DIAPH3: variants seen among roughly 807,000 people sequenced by gnomAD.
The protein encoded by DIAPH3 is protein diaphanous homolog 3.
In DIAPH3, 117 loss-of-function variants were observed where a neutral mutation model predicts 144.3. The ratio of observed to expected loss-of-function variants is 0.81; its 90% confidence interval spans 0.70 to 0.95. DIAPH3 has a LOEUF of 0.95. Ranked by LOEUF, DIAPH3 falls within the 40% of genes least tolerant of loss-of-function variation. The pLI is 0.00. For synonymous variants in DIAPH3, 519 were observed against 488.9 expected (o/e 1.06, Z -0.81); for missense variants, 1,421 against 1,412.7 (o/e 1.01, Z -0.09).
chr13:59,753,355 C>T (rs376388846), intron 27 of DIAPH3, among the ~76,000 whole-genome samples: 36 of 152,214 alleles, frequency 2.4e-4, no homozygotes, highest in African/African-American at 7.5e-4. Context: ...AAACTTCAGA[C>T]AAAATGTAGC....
intron 27 of DIAPH3, among the ~76,000 whole-genome samples, chr13:59,677,468 A>G (rs114870231): frequency 6.6e-6 from 1 of 152,190 alleles, no homozygotes; most frequent in Non-Finnish European, 1.5e-5. Context: ...ATTTAATCCA[A>G]TGTCAAATAT....
chr13:59,714,087 G>A (rs1015388843), intron 27 of DIAPH3, among the ~76,000 whole-genome samples: 1 of 152,094 alleles, frequency 6.6e-6, no homozygotes, highest in Non-Finnish European at 1.5e-5. Context: ...AGGGCCGGGC[G>A]CGGTGGCTCA....
rs1260383934 is a variant in DIAPH3, at chr13:59,829,475, T to G, written c.3027+3632A>C. ...ATGTAATGATAGGCAAGTCAGGATC[T>G]CTCTATACCTGTTTCCTCATCTGAA... On this transcript the variant is annotated intron_variant, in intron 24 of 27. Coordinates refer to ENST00000400324, the MANE Select transcript of DIAPH3 (RefSeq NM_001042517.2). 3.3e-5 allele frequency among the ~76,000 whole-genome samples: 5 copies of G among 151,886 alleles called. No homozygotes were observed. The East Asian group carries it at 9.6e-4, about 29-fold the overall frequency.
chr13:59,964,375 C>T (rs2049936999), intron 17 of DIAPH3, among the ~76,000 whole-genome samples: 1 of 151,958 alleles, frequency 6.6e-6, no homozygotes, highest in African/African-American at 2.4e-5. Context: ...CATACACACA[C>T]CAATACACAT....
chr13:59,729,149 C>A (rs1276154589), intron 27 of DIAPH3, among the ~76,000 whole-genome samples: 2 of 152,068 alleles, frequency 1.3e-5, no homozygotes, highest in Non-Finnish European at 2.9e-5. Flanking sequence ...AAATGTCCAC[C>A]AATGTAATAT....
intron 23 of DIAPH3, among the ~76,000 whole-genome samples, chr13:59,833,854 T>C (rs1440357631): frequency 6.6e-6 from 1 of 151,688 alleles, no homozygotes; most frequent in African/African-American, 2.4e-5. Flanking sequence ...AAAGTGGGCA[T>C]TTAGTAGCAC....
intron 27 of DIAPH3, among the ~76,000 whole-genome samples, chr13:59,705,486 G>A (rs2034368065): frequency 6.6e-6 from 1 of 152,152 alleles, no homozygotes; most frequent in Non-Finnish European, 1.5e-5. Flanking sequence ...GAAGCCCTTT[G>A]GAGTGAGGCC....
At chr13:59,933,254 C>T (rs1490161454) in intron 17 of DIAPH3, among the ~76,000 whole-genome samples, 3 of 152,204 alleles carry the variant, frequency 2.0e-5, no homozygotes, top group African/African-American at 7.2e-5. Context: ...TCCCAGCCTG[C>T]CACATGCTAG....
At chr13:59,939,093 A>G (rs189656919) in intron 17 of DIAPH3, among the ~76,000 whole-genome samples, 8 of 152,304 alleles carry the variant, frequency 5.3e-5, no homozygotes, top group Admixed American at 3.3e-4. Flanking sequence ...TTGCTTTGTC[A>G]AATGAAGAAC....
chr13:60,050,748 T>C (rs1170715013), intron 4 of DIAPH3, among the ~76,000 whole-genome samples: 1 of 152,152 alleles, frequency 6.6e-6, no homozygotes, highest in Non-Finnish European at 1.5e-5. Flanking sequence ...GTTCTGAGCA[T>C]AGAAAGTATA....
chr13:60,112,218 A>G, intron 2 of DIAPH3, 32 bp from the exon 3 acceptor site: 1 of 1,612,138 alleles, frequency 6.2e-7, no homozygotes, highest in Non-Finnish European at 8.5e-7. Flanking sequence ...CACACGTGTA[A>G]GTATTTCCTT....
chr13:60,111,678 T>C (rs2058572362), intron 3 of DIAPH3, among the ~76,000 whole-genome samples: 1 of 152,168 alleles, frequency 6.6e-6, no homozygotes, highest in Non-Finnish European at 1.5e-5. Context: ...CAAACGCTCA[T>C]GGAAAAATTG....
intron 25 of DIAPH3, among the ~76,000 whole-genome samples, chr13:59,786,586 A>G (rs1298772574): frequency 6.6e-6 from 1 of 152,212 alleles, no homozygotes; most frequent in East Asian, 1.9e-4. Context: ...TTTGGAATAT[A>G]AACATATTAA....
intron 25 of DIAPH3, among the ~76,000 whole-genome samples, chr13:59,793,991 C>T (rs1342608673): frequency 6.6e-6 from 1 of 152,168 alleles, no homozygotes; most frequent in East Asian, 1.9e-4. Context: ...CAAAGCAATA[C>T]ACATTCAACA....
At chr13:59,698,819 G>A (rs1429954544) in intron 27 of DIAPH3, among the ~76,000 whole-genome samples, 2 of 152,212 alleles carry the variant, frequency 1.3e-5, no homozygotes, top group Non-Finnish European at 2.9e-5. Flanking sequence ...GCATGGTGCA[G>A]TGGTCCCCAA....
At chr13:60,111,848 A>C (rs977543211) in intron 3 of DIAPH3, among the ~76,000 whole-genome samples, 162 bp downstream of exon 3, 2 of 152,190 alleles carry the variant, frequency 1.3e-5, no homozygotes, top group African/African-American at 4.8e-5. Context: ...CAGATTTCAT[A>C]TTTTTGTAAT....
chr13:59,786,722 C>T (rs77704927), intron 25 of DIAPH3, among the ~76,000 whole-genome samples: 10,300 of 152,176 alleles, frequency 0.068, 479 homozygotes, highest in South Asian at 0.18. Flanking sequence ...GTGTGCACCA[C>T]AGAACACTAG....
At chr13:59,789,383 G>A (rs1056280732) in intron 25 of DIAPH3, among the ~76,000 whole-genome samples, 2 of 152,060 alleles carry the variant, frequency 1.3e-5, no homozygotes, top group Admixed American at 6.6e-5. Context: ...TGCTTACTTC[G>A]CATTGAAAAT....
At chr13:59,839,159 T>C (rs1402215279) in intron 23 of DIAPH3, 165 bp downstream of exon 23, 7 of 670,796 alleles carry the variant, frequency 1.0e-5, no homozygotes, top group African/African-American at 1.8e-5. Flanking sequence ...TTATTCATGA[T>C]TGACAGACAC....
Sources: allele counts gnomAD v4.1 joint callset (sites outside exome capture counted in the v4.1 genomes callset), GRCh38; gene constraint gnomAD v4.1.1; transcripts MANE v1.5; gene names NCBI Gene and HGNC (gene_info 2026-07-23, HGNC 2026-07-21).